Variants in SNX18 observed in about 807,000 individuals in gnomAD.
SNX18 encodes the protein sorting nexin-18.
Under a neutral mutation model 48.7 loss-of-function variants are expected in SNX18, and 35 were observed. The ratio of observed to expected loss-of-function variants is 0.72; its 90% confidence interval spans 0.55 to 0.95. The LOEUF is 0.95. Ranked by LOEUF, SNX18 falls within the 40% of genes least tolerant of loss-of-function variation. The pLI is 0.00. For missense variants in SNX18, 824 were observed against 871.0 expected (o/e 0.95, Z 0.68); for synonymous variants, 492 against 384.7 (o/e 1.28, Z -3.26).
chr5:54,574,269 C>T, the SNX18 span, among the ~76,000 whole-genome samples: 1 of 152,232 alleles, frequency 6.6e-6, no homozygotes, highest in Admixed American at 6.5e-5. Context: ...TACTTCCTCA[C>T]AGCATAGTGG....
At chr5:54,532,307 C>CTTT (rs35717409) in intron 1 of SNX18, among the ~76,000 whole-genome samples, 1 of 137,042 alleles carries the variant, frequency 7.3e-6, no homozygotes, top group Non-Finnish European at 1.5e-5. Flanking sequence ...TCTATTGTTG[C>CTTT]TTTTTTTTTT....
the SNX18 span, among the ~76,000 whole-genome samples, chr5:54,625,701 C>T: frequency 2.0e-5 from 3 of 152,160 alleles, no homozygotes; most frequent in Non-Finnish European, 2.9e-5. Flanking sequence ...CAGGAACCAA[C>T]GGAGGCCATC....
intron 1 of SNX18, among the ~76,000 whole-genome samples, chr5:54,542,376 G>T (rs1762487751): frequency 6.6e-6 from 1 of 152,168 alleles, no homozygotes; most frequent in South Asian, 2.1e-4. Context: ...CATCATTAGG[G>T]CAGAGTTAAC....
the SNX18 span, among the ~76,000 whole-genome samples, chr5:54,639,227 C>T: frequency 6.6e-6 from 1 of 152,078 alleles, no homozygotes; most frequent in Non-Finnish European, 1.5e-5. Context: ...TAGTTTATAA[C>T]CAGCAATCTA....
At position 54,518,724 on chromosome 5, in the gene SNX18, C is replaced by A; in HGVS notation, c.772C>A (p.Leu258Met). Residue 258 changes from leucine (L) to methionine (M), a missense_variant, in exon 1 of 2, where the codon CTG (leucine) becomes ATG (methionine). By Grantham distance (15) the Leu-to-Met change is conservative. Around this residue, in one of 3 missense-constraint regions of SNX18, gnomAD observed 443 missense variants for 503.6 expected, o/e 0.88. Coordinates refer to ENST00000381410, the MANE Select transcript of SNX18 (RefSeq NM_001102575.2). ...AGGCTTCGTGAAGGACGGGGACAAG[C>A]TGTGCGTGGTGCTGGGGCCCTATGG... is the stretch of plus-strand genomic sequence containing the variant. ...ASGFVKDGDKLCVVLGPYGPE... is the reference protein window; with the variant it reads ...ASGFVKDGDKMCVVLGPYGPE... The A allele has an allele frequency of 6.2e-7, 1 of 1,601,966 alleles. No homozygotes were observed. The highest frequency in any genetic ancestry group is 8.5e-7 in the Non-Finnish European group (1 of 1,174,018).
the SNX18 span, among the ~76,000 whole-genome samples, chr5:54,599,315 C>T: frequency 1.2e-4 from 18 of 152,074 alleles, no homozygotes; most frequent in African/African-American, 4.3e-4. Context: ...TAAACTTCTG[C>T]TCAAGGAAGC....
the SNX18 span, among the ~76,000 whole-genome samples, chr5:54,606,209 T>A: frequency 6.6e-6 from 1 of 152,232 alleles, no homozygotes; most frequent in Admixed American, 6.5e-5. Context: ...TCTACTCTCA[T>A]CTATTGTTAA....
intron 1 of SNX18, among the ~76,000 whole-genome samples, chr5:54,536,278 C>A (rs542834943): frequency 2.6e-5 from 4 of 152,024 alleles, no homozygotes; most frequent in Admixed American, 6.6e-5. Flanking sequence ...ATGTGCACAG[C>A]GTGCAGGTTT....
chr5:54,529,548 G>T (rs566731524), intron 1 of SNX18, among the ~76,000 whole-genome samples: 71 of 152,314 alleles, frequency 4.7e-4, no homozygotes, highest in African/African-American at 1.6e-3. Flanking sequence ...ATGACAAGCA[G>T]GTTAGGGGAG....
the SNX18 span, among the ~76,000 whole-genome samples, chr5:54,590,523 AC>A: frequency 6.6e-6 from 1 of 152,144 alleles, no homozygotes; most frequent in African/African-American, 2.4e-5. Context: ...TCTGACAGCT[AC>A]TGGCAGGAGT....
the SNX18 span, among the ~76,000 whole-genome samples, chr5:54,592,022 G>T: frequency 7.9e-5 from 12 of 152,244 alleles, no homozygotes; most frequent in Admixed American, 5.2e-4. Flanking sequence ...TAATCATAAG[G>T]TGCCCTGTGA....
chr5:54,568,489 C>T, the SNX18 span, among the ~76,000 whole-genome samples: 1 of 152,164 alleles, frequency 6.6e-6, no homozygotes, highest in East Asian at 1.9e-4. Context: ...ACTCATTGCT[C>T]TTTCCACCAT....
chr5:54,632,385 C>T, the SNX18 span, among the ~76,000 whole-genome samples: 2 of 152,168 alleles, frequency 1.3e-5, no homozygotes, highest in African/African-American at 2.4e-5. Context: ...TTTGACTGCC[C>T]ACATTGAGCT....
Position 54,518,128 on chromosome 5 carries a change from T to C in SNX18, c.176T>C (p.Ile59Thr). 6.9e-7 allele frequency: 1 copy of C among 1,447,966 alleles called. No individual in the cohort carries two copies. Among genetic ancestry groups the C allele is most frequent in the Non-Finnish European group, 9.0e-7 (1 of 1,105,950 alleles). 89.7% of individuals were successfully genotyped at this position (1,447,966 alleles called of 1,614,324 possible). ...GLFPASYVQV[I>T]RAPEPGPAGD... Reference sequence around the variant, plus strand: ...TTCCCGGCCTCCTATGTGCAGGTGATCCGCGCCCCCGAGCCTGGCCCGGCG... The same window carrying C: ...TTCCCGGCCTCCTATGTGCAGGTGACCCGCGCCCCCGAGCCTGGCCCGGCG... The change falls in exon 1 of 2, where the codon ATC becomes ACC. Residue 59 changes from isoleucine to threonine, a missense_variant. This residue lies in a region of SNX18 where 377 missense variants were observed against 350.6 expected (regional missense o/e 1.08). Transcript: ENST00000381410.
the SNX18 span, among the ~76,000 whole-genome samples, chr5:54,565,927 T>C: frequency 6.6e-6 from 1 of 152,206 alleles, no homozygotes; most frequent in African/African-American, 2.4e-5. Flanking sequence ...CACTGACTTT[T>C]TCTGGGCCAT....
At chr5:54,615,019 G>T in the SNX18 span, among the ~76,000 whole-genome samples, 2 of 152,124 alleles carry the variant, frequency 1.3e-5, no homozygotes, top group Non-Finnish European at 2.9e-5. Flanking sequence ...ACCAGTACAT[G>T]ACTCTAGGAA....
At chr5:54,572,830 G>A in the SNX18 span, among the ~76,000 whole-genome samples, 17 of 111,062 alleles carry the variant, frequency 1.5e-4, no homozygotes, top group African/African-American at 5.8e-4. Context: ...GTATCACTTC[G>A]TCACCCAAGC....
At chr5:54,626,298 C>T in the SNX18 span, among the ~76,000 whole-genome samples, 50 of 151,952 alleles carry the variant, frequency 3.3e-4, no homozygotes, top group Non-Finnish European at 7.1e-4. Context: ...TCACTCTGTA[C>T]CCTAAATATG....
At chr5:54,585,676 C>T in the SNX18 span, among the ~76,000 whole-genome samples, 1 of 152,064 alleles carries the variant, frequency 6.6e-6, no homozygotes, top group Non-Finnish European at 1.5e-5. Flanking sequence ...AGAGCCCTGG[C>T]TGATGAAGCG....
Sources: gnomAD v4.1 joint callset for allele counts (sites outside exome capture counted in the v4.1 genomes callset) on GRCh38, gnomAD v4.1.1 for gene constraint, gnomAD v4.1.1 regional missense constraint, MANE v1.5 for transcripts, NCBI Gene and HGNC (gene_info 2026-07-23, HGNC 2026-07-21) for gene names.